ERC2: variants seen among roughly 807,000 people sequenced by gnomAD.
ERC2 encodes ELKS/RAB6-interacting/CAST family member 2.
In ERC2, 42 loss-of-function variants were observed where a neutral mutation model predicts 114.8. That is an observed-to-expected ratio of 0.37 (90% CI 0.29 to 0.47). The LOEUF (loss-of-function observed/expected upper bound fraction) is 0.47. Among genes scored for constraint, ERC2 ranks in the 20% least tolerant of loss-of-function variants. The pLI, the probability that ERC2 is intolerant of heterozygous loss-of-function variation, is 0.99. For missense variants in ERC2, 939 were observed against 1,150.7 expected, an observed-to-expected ratio of 0.82 and a Z score of 2.66; for synonymous variants, 454 against 425.5, an observed-to-expected ratio of 1.07 and a Z score of -0.82.
chr3:55,683,774 T>C lies in ERC2; in HGVS notation c.*39+20A>G. 6.3e-7 allele frequency: 1 copy of C among 1,588,840 alleles called. No individual in the cohort carries two copies. ...GAATGCAATTTTTTAATAAAAATGATATAAAAGATGGTTTCTCACCCCTCA... is the reference window on the plus strand; with the variant it reads ...GAATGCAATTTTTTAATAAAAATGACATAAAAGATGGTTTCTCACCCCTCA... On this transcript the variant is annotated intron_variant, in intron 17 of 17. Transcript: ENST00000288221.
intron 17 of ERC2, among the ~76,000 whole-genome samples, chr3:55,542,993 G>A (rs1450347331): frequency 1.3e-5 from 2 of 152,156 alleles, no homozygotes; most frequent in Non-Finnish European, 2.9e-5. Flanking sequence ...GTTACCACTG[G>A]GATGATCTGC....
chr3:55,569,861 ATTTTTTTTT>A (rs375004734), intron 17 of ERC2, among the ~76,000 whole-genome samples: 1 of 125,230 alleles, frequency 8.0e-6, no homozygotes, highest in Non-Finnish European at 1.7e-5. Flanking sequence ...CTTCATTTCT[ATTTTTTTTT>A]TTTTTTTTTT....
rs188938795 is a variant in ERC2, at chr3:56,359,694, A to C, written c.658-63259T>G. Among the ~76,000 whole-genome samples the C allele has an allele frequency of 1.4e-4, 22 of 152,388 alleles. 1 individual carries two copies. The East Asian group carries it at 4.0e-3, about 28-fold the overall frequency. ...TCATGGTTCTGTACTCTGTAAAAGAAGCATGGTGCCAGCATCTGCATCTGA... is the reference window on the plus strand; with the variant it reads ...TCATGGTTCTGTACTCTGTAAAAGACGCATGGTGCCAGCATCTGCATCTGA... On this transcript the variant is annotated intron_variant, in intron 2 of 17. Coordinates refer to ENST00000288221, the MANE Select transcript of ERC2 (RefSeq NM_015576.3).
rs184109832 is a variant in ERC2, at chr3:56,449,571, G to A, written c.-140-14424C>T. On this transcript the variant is annotated intron_variant, in intron 1 of 17. Transcript: ENST00000288221. The stretch of plus-strand genomic sequence containing the variant: ...ACAATTCTGTAATTGTAGCCAGAGA[G>A]GAGAGACATAGTGTTTTAAAAAGGA... Among the ~76,000 whole-genome samples the A allele has an allele frequency of 1.0e-2, 1,520 of 152,320 alleles. 25 individuals carry two copies. Among genetic ancestry groups the A allele is most frequent in the African/African-American group, 0.035 (1,439 of 41,560 alleles).
At chr3:56,390,073 T>C (rs1233744287) in intron 2 of ERC2, among the ~76,000 whole-genome samples, 1 of 152,196 alleles carries the variant, frequency 6.6e-6, no homozygotes, top group East Asian at 1.9e-4. Context: ...ATGACCATGT[T>C]GAACTCAGGA....
chr3:56,350,037 C>T (rs1226657656), intron 2 of ERC2, among the ~76,000 whole-genome samples: 2 of 152,020 alleles, frequency 1.3e-5, no homozygotes, highest in Admixed American at 6.6e-5. Flanking sequence ...GCACATATAC[C>T]CCTGAAACTA....
chr3:56,070,860 T>G (rs2076704428), intron 7 of ERC2, among the ~76,000 whole-genome samples: 1 of 152,206 alleles, frequency 6.6e-6, no homozygotes, highest in Non-Finnish European at 1.5e-5. Flanking sequence ...TGCACCGTGC[T>G]GCCTCTTCCT....
At chr3:56,040,741 T>TAG (rs1167009531) in intron 7 of ERC2, among the ~76,000 whole-genome samples, 1 of 143,168 alleles carries the variant, frequency 7.0e-6, no homozygotes, top group African/African-American at 2.6e-5. Flanking sequence ...TCTCTATATA[T>TAG]ATAGAGAGAG....
intron 2 of ERC2, among the ~76,000 whole-genome samples, chr3:56,346,413 TA>T (rs2058309757): frequency 6.6e-6 from 1 of 152,104 alleles, no homozygotes; most frequent in South Asian, 2.1e-4. Flanking sequence ...AACTTAAACA[TA>T]AGACCTTGTA....
chr3:56,070,152 C>T (rs774054117), intron 7 of ERC2, among the ~76,000 whole-genome samples: 3 of 152,148 alleles, frequency 2.0e-5, no homozygotes, highest in Non-Finnish European at 4.4e-5. Flanking sequence ...CACAGCAAAG[C>T]AGAGTCCATT....
In ERC2 at chr3:56,468,255, A is replaced by T. The variant is rs2063647990; in HGVS notation, c.-148T>A. 1 of 151,350 alleles carries T rather than the reference A, an allele frequency of 6.6e-6. No individual in the cohort carries two copies. Among genetic ancestry groups the T allele is most frequent in the Admixed American group, 6.6e-5 (1 of 15,262 alleles). 9.4% of individuals were successfully genotyped at this position (151,350 alleles called of 1,614,324 possible). On this transcript the variant is annotated 5_prime_UTR_variant, in exon 1 of 18. Coordinates refer to ENST00000288221, the MANE Select transcript of ERC2 (RefSeq NM_015576.3). ...CCGGCGTCGGCGTCTCACCTTTCCG[A>T]TGCTCGCCCCGGGGCCGTCCCACAT...
intron 3 of ERC2, among the ~76,000 whole-genome samples, chr3:56,244,185 G>A (rs796525971): frequency 1.3e-5 from 2 of 151,996 alleles, no homozygotes; most frequent in South Asian, 4.2e-4. Flanking sequence ...TGACATCATC[G>A]CCTTCGTGAA....
At chr3:55,612,177 G>A (rs1042918050) in intron 17 of ERC2, among the ~76,000 whole-genome samples, 6 of 152,150 alleles carry the variant, frequency 3.9e-5, no homozygotes, top group Non-Finnish European at 5.9e-5. Flanking sequence ...TGAGTTGTGC[G>A]TTTTTTGGTG....
chr3:56,180,931 T>C (rs757758006), intron 3 of ERC2, among the ~76,000 whole-genome samples: 1 of 152,246 alleles, frequency 6.6e-6, no homozygotes, highest in Non-Finnish European at 1.5e-5. Flanking sequence ...ATCTTTTTCA[T>C]GCATGTTTTT....
At chr3:55,847,357 T>C (rs551406937) in intron 14 of ERC2, among the ~76,000 whole-genome samples, 2 of 152,348 alleles carry the variant, frequency 1.3e-5, no homozygotes, top group African/African-American at 4.8e-5. Context: ...AAAGTCACTA[T>C]TGGCAAAATG....
intron 7 of ERC2, among the ~76,000 whole-genome samples, chr3:56,061,314 T>C (rs1056251166): frequency 1.3e-5 from 2 of 152,226 alleles, no homozygotes; most frequent in African/African-American, 4.8e-5. Flanking sequence ...ACAGGGATGG[T>C]GTCTCAGGCT....
chr3:56,372,425 C>G (rs1236090846), intron 2 of ERC2, among the ~76,000 whole-genome samples: 1 of 151,908 alleles, frequency 6.6e-6, no homozygotes, highest in Non-Finnish European at 1.5e-5. Flanking sequence ...GAAACTGAAG[C>G]TAAGAAAATT....
chr3:55,775,581 T>TAAATAAATAAATAAAA (rs1356989294), intron 14 of ERC2, among the ~76,000 whole-genome samples: 1 of 142,136 alleles, frequency 7.0e-6, no homozygotes, highest in East Asian at 2.0e-4. Flanking sequence ...AATAAATAAA[T>TAAATAAATAAATAAAA]AAAAAAGGAA....
intron 14 of ERC2, among the ~76,000 whole-genome samples, chr3:55,739,228 A>G (rs1203542118): frequency 6.6e-6 from 1 of 152,174 alleles, no homozygotes; most frequent in Non-Finnish European, 1.5e-5. Flanking sequence ...ATACATGTGC[A>G]TGTGTCTTTA....
Sources: allele counts gnomAD v4.1 joint callset (sites outside exome capture counted in the v4.1 genomes callset), GRCh38; gene constraint gnomAD v4.1.1; transcripts MANE v1.5; gene names NCBI Gene and HGNC (gene_info 2026-07-23, HGNC 2026-07-21).